The following INPP5E variants were observed in gnomAD, a reference collection of about 807,000 sequenced individuals.
INPP5E encodes phosphatidylinositol polyphosphate 5-phosphatase type IV.
INPP5E carries 34 observed loss-of-function variants against 50.5 expected under a neutral mutation model. That is an observed-to-expected ratio of 0.67 (90% CI 0.51 to 0.90). The LOEUF is 0.90. Ranked by LOEUF, INPP5E falls within the 40% of genes least tolerant of loss-of-function variation. The pLI, the probability that INPP5E is intolerant of heterozygous loss-of-function variation, is 0.00. For synonymous variants in INPP5E, 447 were observed against 406.0 expected, an observed-to-expected ratio of 1.10 and a Z score of -1.21; for missense variants, 942 against 905.5, an observed-to-expected ratio of 1.04 and a Z score of -0.52.
chr9:136,434,761 G>A lies in INPP5E; in HGVS notation c.915C>T (p.Thr305=), dbSNP rs1026542940. 5.0e-6 allele frequency: 8 copies of A among 1,604,290 alleles called. No homozygotes were observed. Among genetic ancestry groups the A allele is most frequent in the Non-Finnish European group, 6.8e-6 (8 of 1,175,736 alleles). ...TCACCTTCTGGCCCTGCATGTTCCAGGTGGCCACGAAGAGTGCCACGTTCC... is the reference window on the plus strand; with the variant it reads ...TCACCTTCTGGCCCTGCATGTTCCAAGTGGCCACGAAGAGTGCCACGTTCC... ...PDRNVALFVA[T]WNMQGQKELP... The change falls in exon 2 of 10, where the codon ACC becomes ACT. Residue 305 remains threonine (T), a synonymous_variant. Transcript: ENST00000371712.
chr9:136,432,330 G>A (rs773428984), intron 6 of INPP5E, 149 bp downstream of exon 6: 57 of 696,890 alleles, frequency 8.2e-5, no homozygotes, highest in African/African-American at 1.7e-4. Context: ...CTAAAGAACC[G>A]CGAGGGGCCA....
chr9:136,439,374 G>A lies in INPP5E; in HGVS notation c.46C>T (p.Gln16Ter). The A allele has an allele frequency of 6.9e-7, 1 of 1,459,024 alleles. No individual in the cohort carries two copies. The highest frequency in any genetic ancestry group is 9.0e-7 in the Non-Finnish European group (1 of 1,111,910). The allele number at this position is 1,459,024 out of a possible 1,614,324, so 90.4% of individuals were successfully genotyped here. The change falls in exon 1 of 10, where the codon CAG (glutamine) becomes TAG (stop). Residue 16 changes from glutamine to a stop codon, truncating the protein, a stop_gained. Transcript: ENST00000371712. LOFTEE classifies it high-confidence loss of function. Reference protein sequence around the residue: ...ENLRPSEPAPQPPEGRTLQGQ... With the variant: ...ENLRPSEPAP Reference sequence around the variant, plus strand: ...TGGAGCGTCCTCCCTTCCGGCGGCTGCGGGGCCGGCTCGGAGGGCCGCAGA... The same window carrying A: ...TGGAGCGTCCTCCCTTCCGGCGGCTACGGGGCCGGCTCGGAGGGCCGCAGA...
rs948366737 is a variant in INPP5E, at chr9:136,428,877, G to A, written c.*798C>T. ...AGTTCCCTAGCCCGGTTCCACTAATGTCATTCCGCGGCTGGAGTTAAAGAA... is the reference window on the plus strand; with the variant it reads ...AGTTCCCTAGCCCGGTTCCACTAATATCATTCCGCGGCTGGAGTTAAAGAA... On this transcript the variant is annotated 3_prime_UTR_variant, in exon 10 of 10. Coordinates refer to ENST00000371712, the MANE Select transcript of INPP5E (RefSeq NM_019892.6). 4 of 152,584 alleles carry A rather than the reference G, an allele frequency of 2.6e-5. No homozygotes were observed. The highest frequency in any genetic ancestry group is 9.7e-5 in the African/African-American group (4 of 41,444). 9.5% of individuals were successfully genotyped at this position (152,584 alleles called of 1,614,324 possible). A position where few individuals can be genotyped will look rare whatever the true frequency, so the allele number is the denominator to read the frequency against.
At position 136,432,570 on chromosome 9, in the gene INPP5E, C is replaced by T; in HGVS notation, c.1296G>A (p.Val432=). The T allele has an allele frequency of 6.5e-7, 1 of 1,549,458 alleles. No homozygotes were observed. The highest frequency in any genetic ancestry group is 8.7e-7 in the Non-Finnish European group (1 of 1,146,152). ...TSHFTSGDGK[V]AERLLDYTRT... ...TGGTGTAGTCCAGCAGCCGCTCCGC[C>T]ACCTTCCCGTCACCTGCTGTGGGAA... Residue 432 remains valine (V), a synonymous_variant, in exon 6 of 10, where the codon GTG becomes GTA. Coordinates refer to ENST00000371712, the MANE Select transcript of INPP5E (RefSeq NM_019892.6).
chr9:136,430,949 G>A, intron 8 of INPP5E, 53 bp downstream of exon 8: 3 of 1,279,614 alleles, frequency 2.3e-6, no homozygotes, highest in South Asian at 1.2e-5. Context: ...TCCCGGCTGT[G>A]GGAGATGCCT....
At chr9:136,432,904 A>T (rs1588833957) in intron 5 of INPP5E, 52 bp downstream of exon 5, 16 of 1,599,432 alleles carry the variant, frequency 1.0e-5, no homozygotes, top group Admixed American at 1.7e-5. Context: ...CCCGGTCAGG[A>T]GAGGAAGCTG....
rs572650394 is a variant in INPP5E at position 136,433,261 on chromosome 9, A to G, written c.1053T>C (p.Arg351=). ...GCSDRREWET[R]LQETLGPHYV... ...AGTGCGGGCCCAGCGTCTCCTGCAG[A>G]CGAGTCTCCCACTCCCGCCTGCAGA... The change falls in exon 4 of 10, where the codon CGT becomes CGC. Residue 351 remains arginine (R), a synonymous_variant. Coordinates refer to ENST00000371712, the MANE Select transcript of INPP5E (RefSeq NM_019892.6). 44 of 1,585,506 alleles carry G rather than the reference A, an allele frequency of 2.8e-5. No homozygotes were observed. The South Asian group carries it at 4.7e-4, about 17-fold the overall frequency.
In INPP5E at chr9:136,439,453, G is replaced by C; in HGVS notation, c.-34C>G. 5 of 1,416,040 alleles carry C rather than the reference G, an allele frequency of 3.5e-6. No homozygotes were observed. The highest frequency in any genetic ancestry group is 2.8e-5 in the Admixed American group (1 of 36,184). 87.7% of individuals were successfully genotyped at this position (1,416,040 alleles called of 1,614,324 possible). A position where few individuals can be genotyped will look rare whatever the true frequency, so the allele number is the denominator to read the frequency against. ...TCTCCCGGGGCAGGCCTCGGCGCGA[G>C]GCCGCAGGCAGCGCGAGGGGTCACG... On this transcript the variant is annotated 5_prime_UTR_variant, in exon 1 of 10. Transcript: ENST00000371712.
intron 6 of INPP5E, 54 bp downstream of exon 6, chr9:136,432,425 C>T (rs916473631): frequency 2.3e-5 from 29 of 1,243,992 alleles, no homozygotes; most frequent in African/African-American, 1.8e-4. Context: ...AAACGACGGG[C>T]GCCCGTGTGC....
chr9:136,431,059 A>C lies in INPP5E; in HGVS notation c.1608T>G (p.Phe536Leu). 1 of 1,613,034 alleles carries C rather than the reference A, an allele frequency of 6.2e-7. No individual in the cohort carries two copies. The highest frequency in any genetic ancestry group is 8.5e-7 in the Non-Finnish European group (1 of 1,179,632). Residue 536 changes from phenylalanine (F) to leucine (L), a missense_variant, in exon 8 of 10, where the codon TTT (phenylalanine) becomes TTG (leucine). Physicochemically the swap from Phe to Leu is conservative, Grantham distance 22. Coordinates refer to ENST00000371712, the MANE Select transcript of INPP5E (RefSeq NM_019892.6). ...PDIHFLPSYK[F>L]DIGKDTYDST... ...TGTCGTACGTGTCCTTCCCGATGTC[A>C]AACTTGTATGATGGGAGGAAGTGGA...
intron 1 of INPP5E, chr9:136,438,385 C>T: frequency 3.3e-6 from 2 of 603,310 alleles, no homozygotes; most frequent in Non-Finnish European, 5.9e-6. Context: ...TACCTTAACA[C>T]AACGTCACGC....
In INPP5E at chr9:136,430,403, A is replaced by G; in HGVS notation, c.1676T>C (p.Leu559Ser). 6.4e-7 allele frequency: 1 copy of G among 1,555,798 alleles called. No homozygotes were observed. The highest frequency in any genetic ancestry group is 8.7e-7 in the Non-Finnish European group (1 of 1,148,896). ...GTCACCCTTGTGGCGGCTTCTGTACAAGACGCGGTCCTTTGGGAAGATTGC... is the reference window on the plus strand; with the variant it reads ...GTCACCCTTGTGGCGGCTTCTGTACGAGACGCGGTCCTTTGGGAAGATTGC... The part of the protein sequence containing the change: ...QRTPSYTDRV[L>S]YRSRHKGDIC... Residue 559 changes from leucine (L) to serine (S), a missense_variant, in exon 9 of 10, where the codon TTG becomes TCG. Leu to Ser is a moderately radical substitution (Grantham distance 145). Transcript: ENST00000371712.
At chr9:136,432,043 T>TC (rs1047677329) in intron 6 of INPP5E, 58 bp from the exon 7 acceptor site, 1 of 1,603,528 alleles carries the variant, frequency 6.2e-7, no homozygotes, top group African/African-American at 1.3e-5. Context: ...TCCTTCCCCT[T>TC]CCCCAGAACA....
chr9:136,435,011 C>T, intron 1 of INPP5E, 148 bp from the exon 2 acceptor site: 1 of 959,762 alleles, frequency 1.0e-6, no homozygotes, highest in Non-Finnish European at 1.6e-6. Context: ...CCCCGCGGCA[C>T]TGCTGTCTGC....
At position 136,439,242 on chromosome 9, in the gene INPP5E, C is replaced by T; in HGVS notation, c.178G>A (p.Gly60Ser). 1 of 1,520,564 alleles carries T rather than the reference C, an allele frequency of 6.6e-7. No homozygotes were observed. The highest frequency in any genetic ancestry group is 8.8e-7 in the Non-Finnish European group (1 of 1,139,708). 94.2% of individuals were successfully genotyped at this position (1,520,564 alleles called of 1,614,324 possible). ...LACSTPATPS[G>S]EDPPARAAPI... Reference sequence around the variant, plus strand: ...GCTGCTCGGGCTGGCGGGTCCTCGCCGCTGGGCGTGGCCGGAGTGCTGCAG... The same window carrying T: ...GCTGCTCGGGCTGGCGGGTCCTCGCTGCTGGGCGTGGCCGGAGTGCTGCAG... Residue 60 changes from glycine (G) to serine (S), a missense_variant, in exon 1 of 10, where the codon GGC becomes AGC. Gly to Ser is a moderately conservative substitution (Grantham distance 56, BLOSUM62 0). Coordinates refer to ENST00000371712, the MANE Select transcript of INPP5E (RefSeq NM_019892.6).
Position 136,439,755 on chromosome 9 carries a change from C to T in INPP5E, c.-336G>A, listed in dbSNP as rs1408127128. 1 of 214,904 alleles carries T rather than the reference C, an allele frequency of 4.7e-6. No individual in the cohort carries two copies. Among genetic ancestry groups the T allele is most frequent in the African/African-American group, 2.3e-5 (1 of 43,564 alleles). The allele number at this position is 214,904 out of a possible 1,614,324, so 13.3% of individuals were successfully genotyped here. On this transcript the variant is annotated 5_prime_UTR_variant, in exon 1 of 10. Coordinates refer to ENST00000371712, the MANE Select transcript of INPP5E (RefSeq NM_019892.6). ...TGGGAAGCGGGCACCCCTGGCTGGG[C>T]TCGCAGACTCCGAAGTCGACCCGGT...
At chr9:136,435,910 TG>T (rs1835818629) in intron 1 of INPP5E, 1 of 152,226 alleles carries the variant, frequency 6.6e-6, no homozygotes, top group South Asian at 2.1e-4. Context: ...CATTTGGAAA[TG>T]TAAAACCCGT....
chr9:136,438,831 G>A lies in INPP5E; in HGVS notation c.589C>T (p.Leu197=), dbSNP rs910442453. 24 of 1,610,736 alleles carry A rather than the reference G, an allele frequency of 1.5e-5. No homozygotes were observed. The highest frequency in any genetic ancestry group is 2.0e-5 in the Non-Finnish European group (23 of 1,179,138). ...GAGTCGGAGGCGATGTCCAGGCTCA[G>A]GGCAGGCGGTGGGCGCGGGGGCAGC... ...SLLPPRPPPA[L]SLDIASDSLR... Residue 197 remains leucine, a synonymous_variant, in exon 1 of 10, where the codon CTG becomes TTG. Transcript: ENST00000371712.
In INPP5E at chr9:136,432,506, C is replaced by T. The variant is rs138150684; in HGVS notation, c.1360G>A (p.Asp454Asn). Residue 454 changes from aspartate to asparagine, a missense_variant, in exon 6 of 10, where the codon GAC becomes AAC. By Grantham distance (23) the Asp-to-Asn change is conservative. Coordinates refer to ENST00000371712, the MANE Select transcript of INPP5E (RefSeq NM_019892.6). ...GCGCTGGAGCGATAGGGGTTGGTGT[C>T]GGGCACATTTCTGGGCAGGACCAGG... ...QALVLPRNVPDTNPYRSSAAD... is the reference protein window; with the variant it reads ...QALVLPRNVPNTNPYRSSAAD... The T allele has an allele frequency of 8.1e-5, 125 of 1,551,134 alleles. No homozygotes were observed. The African/African-American group carries it at 1.0e-3, about 12-fold the overall frequency.
Sources: allele counts gnomAD v4.1 joint callset, GRCh38; gene constraint gnomAD v4.1.1; transcripts MANE v1.5; gene names NCBI Gene and HGNC (gene_info 2026-07-23, HGNC 2026-07-21).